The following WNT2 variants were observed in gnomAD, a reference collection of about 807,000 sequenced individuals.
WNT2 encodes Wnt family member 2.
In WNT2, 12 loss-of-function variants were observed where a neutral mutation model predicts 36.9. That is an observed-to-expected ratio of 0.33 (90% CI 0.21 to 0.53). The LOEUF (loss-of-function observed/expected upper bound fraction) is 0.53, where lower values mean the gene tolerates loss of function less well. WNT2 is among the 20% of genes least tolerant of loss of function. WNT2 has a pLI of 0.95. For missense variants in WNT2, 379 were observed against 473.1 expected (o/e 0.80, Z 1.84); for synonymous variants, 163 against 174.6 (o/e 0.93, Z 0.52).
intron 4 of WNT2, among the ~76,000 whole-genome samples, chr7:117,288,448 C>T (rs1371527299): frequency 2.0e-5 from 3 of 152,118 alleles, no homozygotes; most frequent in Non-Finnish European, 4.4e-5. Context: ...ATGAAATTTG[C>T]ATATCTTTAA....
chr7:117,286,666 G>C (rs1794585689), intron 4 of WNT2, among the ~76,000 whole-genome samples: 1 of 152,138 alleles, frequency 6.6e-6, no homozygotes, highest in Admixed American at 6.5e-5. Context: ...TTTATTGAGG[G>C]AACTAAAGTA....
Position 117,297,663 on chromosome 7 carries a change from G to A in WNT2, c.802C>T (p.Leu268Phe), listed in dbSNP as rs1403176020. The A allele has an allele frequency of 6.2e-7, 1 of 1,614,080 alleles. No individual in the cohort carries two copies. Among genetic ancestry groups the A allele is most frequent in the East Asian group, 2.2e-5 (1 of 44,888 alleles). Residue 268 changes from leucine to phenylalanine, a missense_variant, in exon 4 of 5, where the codon CTC becomes TTC. Transcript: ENST00000265441. ...TCTGGAGAATTCTCAAAATACACGA[G>A]GTCATTTTTCGTTGGCTTCTTAAAC... ...ERFKKPTKND[L>F]VYFENSPDYC... is the part of the protein sequence containing the mutation.
chr7:117,287,614 T>C (rs1462007858), intron 4 of WNT2, among the ~76,000 whole-genome samples: 1 of 152,160 alleles, frequency 6.6e-6, no homozygotes, highest in Non-Finnish European at 1.5e-5. Flanking sequence ...TGCTTTCTTC[T>C]TATGCTTTCT....
Position 117,297,742 on chromosome 7 carries a change from G to T in WNT2, c.723C>A (p.Ala241=). ...CATCCTGGTTCATGACCACCTGGATGGCCCCATTGTACTTCCTCCAGAGAT... is the reference window on the plus strand; with the variant it reads ...CATCCTGGTTCATGACCACCTGGATTGCCCCATTGTACTTCCTCCAGAGAT... ...GDYLWRKYNG[A]IQVVMNQDGT... is the part of the protein sequence containing the mutation. Residue 241 remains alanine, a synonymous_variant, in exon 4 of 5, where the codon GCC becomes GCA. Coordinates refer to ENST00000265441, the MANE Select transcript of WNT2 (RefSeq NM_003391.3). 6.2e-7 allele frequency: 1 copy of T among 1,614,180 alleles called. No individual in the cohort carries two copies. The highest frequency in any genetic ancestry group is 8.5e-7 in the Non-Finnish European group (1 of 1,180,028).
At chr7:117,321,231 C>T (rs988896121) in intron 1 of WNT2, among the ~76,000 whole-genome samples, 8 of 152,188 alleles carry the variant, frequency 5.3e-5, no homozygotes, top group Admixed American at 5.2e-4. Flanking sequence ...AGAAGCTCTT[C>T]GTTCCCATTA....
At chr7:117,318,236 C>G (rs866769158) in intron 2 of WNT2, among the ~76,000 whole-genome samples, 1 of 152,304 alleles carries the variant, frequency 6.6e-6, no homozygotes, top group Non-Finnish European at 1.5e-5. Context: ...TAAGACGTAA[C>G]TTTTTCTCCA....
intron 3 of WNT2, among the ~76,000 whole-genome samples, chr7:117,301,505 TTGAG>T (rs2116363834): frequency 6.6e-6 from 1 of 152,302 alleles, no homozygotes; most frequent in East Asian, 1.9e-4. Context: ...CAACCATGTA[TTGAG>T]TGAGTGCTTA....
chr7:117,277,521 A>G lies in WNT2; in HGVS notation c.*634T>C, dbSNP rs1156290403. The stretch of plus-strand genomic sequence containing the variant: ...AGGACACACGTCCCCACCTTGTTAC[A>G]TCAGATTTTAATATGGCAATAAATG... On this transcript the variant is annotated 3_prime_UTR_variant, in exon 5 of 5. Coordinates refer to ENST00000265441, the MANE Select transcript of WNT2 (RefSeq NM_003391.3). 1 of 153,890 alleles carries G rather than the reference A, an allele frequency of 6.5e-6. No individual in the cohort carries two copies. The highest frequency in any genetic ancestry group is 2.4e-5 in the African/African-American group (1 of 41,464). 9.5% of individuals were successfully genotyped at this position (153,890 alleles called of 1,614,324 possible).
intron 4 of WNT2, among the ~76,000 whole-genome samples, chr7:117,285,459 A>C (rs891787410): frequency 6.6e-6 from 1 of 152,228 alleles, no homozygotes; most frequent in African/African-American, 2.4e-5. Context: ...CTCATCAAGA[A>C]TATAATTACT....
Position 117,322,613 on chromosome 7 carries a change from A to G in WNT2, c.83+294T>C, listed in dbSNP as rs1795351393. On this transcript the variant is annotated intron_variant, in intron 1 of 4. Coordinates refer to ENST00000265441, the MANE Select transcript of WNT2 (RefSeq NM_003391.3). This position sits in a 1 kb window ranked among gnomAD's most constrained non-coding sequence, Gnocchi z 5.4. ...GGAGACCAGGCTAGCACGTCTCTCA[A>G]CAGGATAAGAAATTGGCTGATTTTG... 6.6e-6 allele frequency among the ~76,000 whole-genome samples: 1 copy of G among 151,774 alleles called. No individual in the cohort carries two copies. Among genetic ancestry groups the G allele is most frequent in the Admixed American group, 6.6e-5 (1 of 15,258 alleles).
intron 4 of WNT2, among the ~76,000 whole-genome samples, chr7:117,278,998 C>G (rs1011058289): frequency 6.6e-6 from 1 of 152,212 alleles, no homozygotes; most frequent in Non-Finnish European, 1.5e-5. Flanking sequence ...TTAACTGTCT[C>G]TCCTGCTGCA....
chr7:117,281,974 T>C (rs1794497465), intron 4 of WNT2, among the ~76,000 whole-genome samples: 1 of 151,674 alleles, frequency 6.6e-6, no homozygotes, highest in South Asian at 2.1e-4. Flanking sequence ...TGAAAGAGAG[T>C]AGGGCCAAGA....
rs767828664 is a variant in WNT2, at chr7:117,315,345, C to T, written c.314G>A (p.Ser105Asn). The change falls in exon 3 of 5, where the codon AGT (serine) becomes AAT (asparagine). Residue 105 changes from serine (S) to asparagine (N), a missense_variant. Physicochemically the swap from Ser to Asn is conservative, Grantham distance 46 (BLOSUM62 1). Coordinates refer to ENST00000265441, the MANE Select transcript of WNT2 (RefSeq NM_003391.3). ...SLFGRVLLRS[S>N]RESAFVYAIS... Reference sequence around the variant, plus strand: ...GGCATAAACAAAGGCAGATTCCCGACTACCTGAAACAAAAATGCTTTTCTT... The same window carrying T: ...GGCATAAACAAAGGCAGATTCCCGATTACCTGAAACAAAAATGCTTTTCTT... 9.9e-6 allele frequency: 16 copies of T among 1,609,802 alleles called. No individual in the cohort carries two copies. Among genetic ancestry groups the T allele is most frequent in the Middle Eastern group, 3.3e-4 (2 of 6,054 alleles).
chr7:117,283,209 T>C (rs1362803394), intron 4 of WNT2, among the ~76,000 whole-genome samples: 2 of 152,186 alleles, frequency 1.3e-5, no homozygotes, highest in African/African-American at 4.8e-5. Flanking sequence ...AAATCTTTTG[T>C]GCAGTGGTGG....
chr7:117,298,396 G>C (rs866498892), intron 3 of WNT2, among the ~76,000 whole-genome samples: 2 of 152,130 alleles, frequency 1.3e-5, no homozygotes, highest in Non-Finnish European at 2.9e-5. Context: ...GCAGATGACC[G>C]AGAAGCAAGG....
intron 4 of WNT2, among the ~76,000 whole-genome samples, chr7:117,294,758 G>A (rs10235891): frequency 0.018 from 2,667 of 152,288 alleles, 78 homozygotes; most frequent in African/African-American, 0.061. Flanking sequence ...CAGCACCTGC[G>A]GCTGTGTGCA....
chr7:117,296,348 T>C (rs1794789996), intron 4 of WNT2, among the ~76,000 whole-genome samples: 2 of 152,190 alleles, frequency 1.3e-5, no homozygotes, highest in Admixed American at 1.3e-4. Flanking sequence ...CATCAAACCA[T>C]GAAGGCAATT....
chr7:117,285,470 C>T (rs573521259), intron 4 of WNT2, among the ~76,000 whole-genome samples: 24 of 152,308 alleles, frequency 1.6e-4, no homozygotes, highest in African/African-American at 5.5e-4. Flanking sequence ...TATAATTACT[C>T]AGTCTGATCA....
chr7:117,290,318 G>C (rs1171491365), intron 4 of WNT2, among the ~76,000 whole-genome samples: 1 of 152,190 alleles, frequency 6.6e-6, no homozygotes, highest in Non-Finnish European at 1.5e-5. Flanking sequence ...GGAGCAGGAG[G>C]AAAAGCAGAG....
Sources: gnomAD v4.1 joint callset for allele counts (sites outside exome capture counted in the v4.1 genomes callset) on GRCh38, gnomAD v4.1.1 for gene constraint, Gnocchi (gnomAD v3.1) non-coding constraint, MANE v1.5 for transcripts, NCBI Gene and HGNC (gene_info 2026-07-23, HGNC 2026-07-21) for gene names.